OR7G2: variants seen among roughly 807,000 people sequenced by gnomAD.
The protein encoded by OR7G2 is olfactory receptor 7G2.
For synonymous variants in OR7G2, 153 were observed against 152.2 expected, an observed-to-expected ratio of 1.01 and a Z score of -0.04; for missense variants, 362 against 384.0, an observed-to-expected ratio of 0.94 and a Z score of 0.48.
Position 9,103,428 on chromosome 19 carries a change from A to G in OR7G2, c.-16-169T>C, listed in dbSNP as rs1340231426. ...CAAGCCTTGTAGATGTTTTTGATAG[A>G]TGCTGAATTTTGAGAAACAGTTCAA... On this transcript the variant is annotated intron_variant, in intron 1 of 1. Transcript: ENST00000641081. 6.6e-6 allele frequency: 4 copies of G among 607,290 alleles called. No individual in the cohort carries two copies. In the Admixed American group the frequency reaches 1.2e-4, roughly 18 times the overall value. 37.6% of individuals were successfully genotyped at this position (607,290 alleles called of 1,614,324 possible).
Position 9,102,719 on chromosome 19 carries a change from C to A in OR7G2, c.525G>T (p.Pro175=). The A allele has an allele frequency of 1.2e-6, 2 of 1,614,062 alleles. No homozygotes were observed. The highest frequency in any genetic ancestry group is 1.1e-5 in the South Asian group (1 of 91,080). ...RLSFCTDLEI[P]LFFCELAQVI... ...CCTGAGCCAGTTCACAGAAGAAGAG[C>A]GGGATTTCCAGGTCTGTGCAGAAGG... The change falls in exon 2 of 2, where the codon CCG becomes CCT. Residue 175 remains proline, a synonymous_variant. Transcript: ENST00000641081.
At position 9,100,865 on chromosome 19, in the gene OR7G2, C is replaced by T. The variant is rs555377164; in HGVS notation, c.*1404G>A. 6 of 152,290 alleles carry T rather than the reference C, an allele frequency of 3.9e-5. No individual in the cohort carries two copies. The highest frequency in any genetic ancestry group is 7.2e-5 in the African/African-American group (3 of 41,564). 9.4% of individuals were successfully genotyped at this position (152,290 alleles called of 1,614,324 possible). ...CGCTTAAATCCTTTTCCTGGCAGCGCACAGTGACTTCACCACTAATCTCAG... is the reference window on the plus strand; with the variant it reads ...CGCTTAAATCCTTTTCCTGGCAGCGTACAGTGACTTCACCACTAATCTCAG... On this transcript the variant is annotated 3_prime_UTR_variant, in exon 2 of 2. Transcript: ENST00000641081.
intron 1 of OR7G2, among the ~76,000 whole-genome samples, chr19:9,104,939 C>T (rs2050377626): frequency 6.6e-6 from 1 of 151,972 alleles, no homozygotes; most frequent in South Asian, 2.1e-4. Context: ...CTCTCTCCTC[C>T]TGTTCCCTCC....
At chr19:9,103,962 C>G (rs1286648148) in intron 1 of OR7G2, among the ~76,000 whole-genome samples, 1 of 150,920 alleles carries the variant, frequency 6.6e-6, no homozygotes, top group Non-Finnish European at 1.5e-5. Flanking sequence ...CTCCACCTCC[C>G]AGGTTCAAGT....
chr19:9,103,925 AGTGGT>A (rs2050371145), intron 1 of OR7G2, among the ~76,000 whole-genome samples: 1 of 144,790 alleles, frequency 6.9e-6, no homozygotes, highest in Non-Finnish European at 1.5e-5. Flanking sequence ...GCTGGAGTGC[AGTGGT>A]GTGATCTTAG....
chr19:9,102,657 T>A lies in OR7G2; in HGVS notation c.587A>T (p.Asn196Ile), dbSNP rs202208907. Residue 196 changes from asparagine to isoleucine, a missense_variant, in exon 2 of 2, where the codon AAC (asparagine) becomes ATC (isoleucine). Coordinates refer to ENST00000641081, the MANE Select transcript of OR7G2 (RefSeq NM_001005193.2). ...QLTCSDTLIN[N>I]ILIYFAACIF... ...GCAAGCTGCAAAATATATCAGGATG[T>A]TATTGATGAGGGTGTCTGAACAGGT... 9.3e-6 allele frequency: 15 copies of A among 1,614,046 alleles called. No individual in the cohort carries two copies. In the East Asian group the frequency reaches 3.1e-4, roughly 34 times the overall value.
chr19:9,101,016 C>G lies in OR7G2; in HGVS notation c.*1253G>C, dbSNP rs992805508. On this transcript the variant is annotated 3_prime_UTR_variant, in exon 2 of 2. Transcript: ENST00000641081. ...GACGTGGTGGTGCATGCCTGGAGTC[C>G]TAGCTTCCTAGGAGGCTGAGGTAGG... 6.6e-6 allele frequency: 1 copy of G among 152,276 alleles called. No individual in the cohort carries two copies. The highest frequency in any genetic ancestry group is 1.5e-5 in the Non-Finnish European group (1 of 68,178). The allele number at this position is 152,276 out of a possible 1,614,324, so 9.4% of individuals were successfully genotyped here.
At chr19:9,103,866 G>C (rs1047320841) in intron 1 of OR7G2, among the ~76,000 whole-genome samples, 1 of 101,084 alleles carries the variant, frequency 9.9e-6, no homozygotes, top group Non-Finnish European at 1.9e-5. Flanking sequence ...ATGTGGAAAT[G>C]TTTTTTTTTT....
At chr19:9,105,578 G>T (rs1444736117) in intron 1 of OR7G2, among the ~76,000 whole-genome samples, 1 of 152,164 alleles carries the variant, frequency 6.6e-6, no homozygotes, top group Admixed American at 6.6e-5. Flanking sequence ...GCTGTGCGTG[G>T]TGGTTCACGC....
chr19:9,106,620 A>G (rs1009676867), intron 1 of OR7G2, among the ~76,000 whole-genome samples: 2 of 150,356 alleles, frequency 1.3e-5, no homozygotes, highest in African/African-American at 4.9e-5. Context: ...CAGCTGACCA[A>G]TATGGTGAAA....
intron 1 of OR7G2, 44 bp from the exon 2 acceptor site, chr19:9,103,303 G>C (rs759978193): frequency 6.2e-7 from 1 of 1,608,638 alleles, no homozygotes; most frequent in African/African-American, 1.3e-5. Context: ...AGCTGCATCG[G>C]CATCACTCGA....
intron 1 of OR7G2, among the ~76,000 whole-genome samples, chr19:9,105,015 G>T (rs1234590870): frequency 6.6e-6 from 1 of 151,064 alleles, no homozygotes. Context: ...CTGTCACCCA[G>T]GTTAGAATAC....
In OR7G2 at chr19:9,102,880, G is replaced by A. The variant is rs372909000; in HGVS notation, c.364C>T (p.Arg122Cys). The change falls in exon 2 of 2, where the codon CGC (arginine) becomes TGC (cysteine). Residue 122 changes from arginine (R) to cysteine (C), a missense_variant. Arg to Cys is a radical substitution (Grantham distance 180). Transcript: ENST00000641081. ...NCLLAAMAYDRYVAICHPLRY... is the reference protein window; with the variant it reads ...NCLLAAMAYDCYVAICHPLRY... ...AGGGGGTGACAAATGGCCACATAGC[G>A]GTCATAGGCCATTGCTGCAAGGAGA... 84 of 1,614,004 alleles carry A rather than the reference G, an allele frequency of 5.2e-5. No homozygotes were observed. The highest frequency in any genetic ancestry group is 2.5e-4 in the African/African-American group (19 of 75,024).
intron 1 of OR7G2, among the ~76,000 whole-genome samples, chr19:9,106,468 G>T (rs2050387029): frequency 1.4e-5 from 2 of 145,832 alleles, no homozygotes; most frequent in Non-Finnish European, 3.0e-5. Context: ...TCCTTGATTA[G>T]ATATTTTTAT....
chr19:9,104,057 T>G (rs115235265), intron 1 of OR7G2, among the ~76,000 whole-genome samples: 1 of 150,790 alleles, frequency 6.6e-6, no homozygotes, highest in Non-Finnish European at 1.5e-5. Context: ...ATTTTTTTTT[T>G]CGTATGTTTA....
At position 9,102,132 on chromosome 19, in the gene OR7G2, G is replaced by A. The variant is rs998090881; in HGVS notation, c.*137C>T. The A allele has an allele frequency of 2.8e-6, 2 of 705,748 alleles. No individual in the cohort carries two copies. Among genetic ancestry groups the A allele is most frequent in the Non-Finnish European group, 4.6e-6 (2 of 433,914 alleles). The allele number at this position is 705,748 out of a possible 1,614,324, so 43.7% of individuals were successfully genotyped here. A position where few individuals can be genotyped will look rare whatever the true frequency, so the allele number is the denominator to read the frequency against. On this transcript the variant is annotated 3_prime_UTR_variant, in exon 2 of 2. Coordinates refer to ENST00000641081, the MANE Select transcript of OR7G2 (RefSeq NM_001005193.2). Reference sequence around the variant, plus strand: ...GCAGGAGGATGGCTTGAACCCGGAGGCGGAAGTTGCAGTGAGCCGAGGTCG... The same window carrying A: ...GCAGGAGGATGGCTTGAACCCGGAGACGGAAGTTGCAGTGAGCCGAGGTCG...
intron 1 of OR7G2, among the ~76,000 whole-genome samples, chr19:9,106,673 G>T (rs2050388094): frequency 6.9e-6 from 1 of 144,298 alleles, no homozygotes; most frequent in African/African-American, 2.6e-5. Flanking sequence ...GGAGGCGGAG[G>T]TTGCAGTGAG....
In OR7G2 at chr19:9,102,134, G is replaced by T. The variant is rs1029522451; in HGVS notation, c.*135C>A. 2 of 723,604 alleles carry T rather than the reference G, an allele frequency of 2.8e-6. No homozygotes were observed. The highest frequency in any genetic ancestry group is 5.4e-5 in the East Asian group (2 of 36,870). The allele number at this position is 723,604 out of a possible 1,614,324, so 44.8% of individuals were successfully genotyped here. ...AGGAGGATGGCTTGAACCCGGAGGC[G>T]GAAGTTGCAGTGAGCCGAGGTCGTG... On this transcript the variant is annotated 3_prime_UTR_variant, in exon 2 of 2. Coordinates refer to ENST00000641081, the MANE Select transcript of OR7G2 (RefSeq NM_001005193.2).
rs990739404 is a variant in OR7G2, at chr19:9,102,619, C to T, written c.625G>A (p.Val209Ile). 6.2e-7 allele frequency: 1 copy of T among 1,614,184 alleles called. No individual in the cohort carries two copies. The highest frequency in any genetic ancestry group is 8.5e-7 in the Non-Finnish European group (1 of 1,180,034). The change falls in exon 2 of 2, where the codon GTT becomes ATT. Residue 209 changes from valine (V) to isoleucine (I), a missense_variant. Coordinates refer to ENST00000641081, the MANE Select transcript of OR7G2 (RefSeq NM_001005193.2). Reference sequence around the variant, plus strand: ...GACAAAATGATTCCAGACAGAGGAACACCACCAAATATGCAAGCTGCAAAA... The same window carrying T: ...GACAAAATGATTCCAGACAGAGGAATACCACCAAATATGCAAGCTGCAAAA... ...IYFAACIFGGVPLSGIILSYT... is the reference protein window; with the variant it reads ...IYFAACIFGGIPLSGIILSYT...
Sources: allele counts gnomAD v4.1 joint callset (sites outside exome capture counted in the v4.1 genomes callset), GRCh38; gene constraint gnomAD v4.1.1; transcripts MANE v1.5; gene names NCBI Gene and HGNC (gene_info 2026-07-23, HGNC 2026-07-21).